The following NRF1 variants were observed in gnomAD, a reference collection of about 807,000 sequenced individuals.
NRF1 encodes alpha palindromic-binding protein.
NRF1 carries 5 observed loss-of-function variants against 58.5 expected under a neutral mutation model. The observed-to-expected ratio is 0.09, with a 90% CI of 0.04 to 0.18. The LOEUF (loss-of-function observed/expected upper bound fraction) is 0.18. NRF1 is among the 10% of genes least tolerant of loss of function. The pLI is 1.00. For synonymous variants in NRF1, 224 were observed against 246.7 expected (o/e 0.91, Z 0.86); for missense variants, 288 against 657.7 (o/e 0.44, Z 6.15).
chr7:129,658,603 A>G (rs565957562), intron 2 of NRF1, among the ~76,000 whole-genome samples: 2 of 152,178 alleles, frequency 1.3e-5, no homozygotes, highest in South Asian at 4.1e-4. Flanking sequence ...GTTGAAAAAA[A>G]AAAAAAAAAG....
At chr7:129,753,465 T>G (rs1804170474) in intron 10 of NRF1, among the ~76,000 whole-genome samples, 1 of 152,256 alleles carries the variant, frequency 6.6e-6, no homozygotes, top group African/African-American at 2.4e-5. Flanking sequence ...CAGAACCATT[T>G]CACATTTGCT....
chr7:129,656,655 A>T (rs993237313), intron 1 of NRF1, among the ~76,000 whole-genome samples: 2 of 152,004 alleles, frequency 1.3e-5, no homozygotes, highest in African/African-American at 4.8e-5. Flanking sequence ...GCTCACTGCA[A>T]CCTCTGCCTC....
intron 8 of NRF1, among the ~76,000 whole-genome samples, chr7:129,712,880 A>C (rs1267628021): frequency 6.6e-6 from 1 of 152,156 alleles, no homozygotes; most frequent in African/African-American, 2.4e-5. Flanking sequence ...CACTAGAACA[A>C]GATGACACTC....
rs1562950883 is a variant in NRF1, at chr7:129,621,324, T to A, written c.-7+9500T>A. 3.3e-5 allele frequency among the ~76,000 whole-genome samples: 5 copies of A among 152,174 alleles called. No homozygotes were observed. The South Asian group carries it at 1.0e-3, about 32-fold the overall frequency. ...CAACTTTTATTTATTTTACCAGTAG[T>A]CTTGGTAAATACAAGAATGATATGA... On this transcript the variant is annotated intron_variant, in intron 1 of 10. Coordinates refer to ENST00000393232, the MANE Select transcript of NRF1 (RefSeq NM_005011.5).
At chr7:129,713,331 C>T (rs374701246) in intron 8 of NRF1, among the ~76,000 whole-genome samples, 18 of 151,988 alleles carry the variant, frequency 1.2e-4, no homozygotes, top group East Asian at 5.8e-4. Flanking sequence ...CCTCATGATC[C>T]GCCTGCCTTG....
intron 1 of NRF1, among the ~76,000 whole-genome samples, chr7:129,620,411 TAG>T (rs1800766354): frequency 6.8e-6 from 1 of 148,052 alleles, no homozygotes; most frequent in African/African-American, 2.5e-5. Flanking sequence ...TTTTTTGAGA[TAG>T]AGTCTCGCTT....
At chr7:129,636,453 C>G (rs1281759218) in intron 1 of NRF1, among the ~76,000 whole-genome samples, 1 of 152,160 alleles carries the variant, frequency 6.6e-6, no homozygotes, top group African/African-American at 2.4e-5. Flanking sequence ...AGGCTGGTCT[C>G]AAACTCCTGA....
chr7:129,710,808 T>TC (rs991267986), intron 7 of NRF1, among the ~76,000 whole-genome samples: 1 of 151,990 alleles, frequency 6.6e-6, no homozygotes, highest in African/African-American at 2.4e-5. Flanking sequence ...TTTAAAGGGC[T>TC]CTTTTTTTTT....
intron 10 of NRF1, among the ~76,000 whole-genome samples, chr7:129,739,415 A>C (rs1005177616): frequency 6.6e-6 from 1 of 152,108 alleles, no homozygotes; most frequent in African/African-American, 2.4e-5. Flanking sequence ...TCTAAGGGCT[A>C]TATCAATAAC....
At chr7:129,724,832 T>C (rs546547299) in intron 9 of NRF1, among the ~76,000 whole-genome samples, 10 of 152,178 alleles carry the variant, frequency 6.6e-5, no homozygotes, top group African/African-American at 1.9e-4. Context: ...AAAAAATAAC[T>C]CAAAATGGAT....
In NRF1 at chr7:129,672,097, G is replaced by C. The variant is rs143013692; in HGVS notation, c.338+554G>C. On this transcript the variant is annotated intron_variant, in intron 3 of 10. Transcript: ENST00000393232. The stretch of plus-strand genomic sequence containing the variant: ...ACATCTCAGGCAGGGTGAGTATCAA[G>C]AGCAAAGGCCCCGAGGTGTGAATGT... 2.5e-3 allele frequency among the ~76,000 whole-genome samples: 380 copies of C among 152,070 alleles called. 5 individuals are homozygous for C. Among genetic ancestry groups the C allele is most frequent in the East Asian group, 0.024 (124 of 5,160 alleles).
chr7:129,748,995 C>T (rs148032340), intron 10 of NRF1, among the ~76,000 whole-genome samples: 1 of 152,318 alleles, frequency 6.6e-6, no homozygotes, highest in Admixed American at 6.5e-5. Context: ...CACTGGTGCC[C>T]GTGGTCTACC....
intron 10 of NRF1, among the ~76,000 whole-genome samples, chr7:129,740,287 G>A (rs1803817060): frequency 6.6e-6 from 1 of 152,146 alleles, no homozygotes; most frequent in Non-Finnish European, 1.5e-5. Context: ...AGTAACTGTT[G>A]ACTACCACTG....
At chr7:129,674,139 T>TAAA (rs576158128) in intron 3 of NRF1, among the ~76,000 whole-genome samples, 2 of 146,218 alleles carry the variant, frequency 1.4e-5, no homozygotes, top group African/African-American at 5.1e-5. Context: ...AAACTCCATC[T>TAAA]AAAAAAAAAA....
At chr7:129,652,322 T>C (rs1463045314) in intron 1 of NRF1, among the ~76,000 whole-genome samples, 1 of 152,234 alleles carries the variant, frequency 6.6e-6, no homozygotes, top group African/African-American at 2.4e-5. Context: ...TAGTCAAATT[T>C]TAAATGTGTG....
intron 2 of NRF1, among the ~76,000 whole-genome samples, chr7:129,671,138 T>C (rs914295284): frequency 6.6e-6 from 1 of 152,222 alleles, no homozygotes; most frequent in South Asian, 2.1e-4. Context: ...ATGGGCATGC[T>C]GGCAAAACAA....
intron 5 of NRF1, among the ~76,000 whole-genome samples, chr7:129,698,047 A>G (rs1344762783): frequency 6.6e-6 from 1 of 152,036 alleles, no homozygotes; most frequent in East Asian, 1.9e-4. Context: ...TTACTTTTTA[A>G]AAGAATTTTT....
At position 129,657,589 on chromosome 7, in the gene NRF1, A is replaced by G. The variant is rs1351866797; in HGVS notation, c.223+15A>G. The G allele has an allele frequency of 1.4e-6, 2 of 1,417,642 alleles. No individual in the cohort carries two copies. The highest frequency in any genetic ancestry group is 2.0e-6 in the Non-Finnish European group (2 of 1,021,262). 87.8% of individuals were successfully genotyped at this position (1,417,642 alleles called of 1,614,324 possible). On this transcript the variant is annotated intron_variant, in intron 2 of 10. Coordinates refer to ENST00000393232, the MANE Select transcript of NRF1 (RefSeq NM_005011.5). ...GGCAGCTGCAGGTAGTGTTGTTTGG[A>G]TTAGAAGCTCTTCTTTAATTTTTTT...
chr7:129,711,772 A>G (rs1167677397), intron 8 of NRF1, among the ~76,000 whole-genome samples, 196 bp downstream of exon 8: 2 of 152,214 alleles, frequency 1.3e-5, no homozygotes, highest in African/African-American at 4.8e-5. Flanking sequence ...AGATTCATGG[A>G]TTAGTATGTC....
Sources: gnomAD v4.1 joint callset for allele counts (sites outside exome capture counted in the v4.1 genomes callset) on GRCh38, gnomAD v4.1.1 for gene constraint, MANE v1.5 for transcripts, NCBI Gene and HGNC (gene_info 2026-07-23, HGNC 2026-07-21) for gene names.